The following PKHD1 variants were observed in gnomAD, a reference collection of about 807,000 sequenced individuals.
PKHD1 encodes fibrocystin.
Under a neutral mutation model 412.0 loss-of-function variants are expected in PKHD1, and 291 were observed. That is an observed-to-expected ratio of 0.71 (90% CI 0.64 to 0.78). The LOEUF (loss-of-function observed/expected upper bound fraction) is 0.78. PKHD1 is among the 30% of genes least tolerant of loss of function. The pLI is 0.00. For synonymous variants in PKHD1, 1,777 were observed against 1,821.5 expected (o/e 0.98, Z 0.62); for missense variants, 4,825 against 4,950.7 (o/e 0.97, Z 0.76).
intron 47 of PKHD1, among the ~76,000 whole-genome samples, chr6:51,869,551 A>C (rs1775640732): frequency 6.6e-6 from 1 of 152,158 alleles, no homozygotes; most frequent in Admixed American, 6.5e-5. Context: ...ATTTAAGCAA[A>C]TGAAAAGAGG....
intron 43 of PKHD1, among the ~76,000 whole-genome samples, chr6:51,893,481 G>A (rs929937773): frequency 6.6e-6 from 1 of 152,206 alleles, no homozygotes; most frequent in African/African-American, 2.4e-5. Context: ...TACAAAAGAA[G>A]CACTTTAACA....
intron 60 of PKHD1, among the ~76,000 whole-genome samples, chr6:51,699,055 A>G (rs1779117379): frequency 6.6e-6 from 1 of 152,200 alleles, no homozygotes; most frequent in Admixed American, 6.6e-5. Context: ...TTGGTTAAAC[A>G]ATTATCCAAA....
intron 48 of PKHD1, among the ~76,000 whole-genome samples, chr6:51,863,074 T>C (rs913723207): frequency 6.6e-6 from 1 of 152,198 alleles, no homozygotes; most frequent in African/African-American, 2.4e-5. Context: ...GCAATGACCC[T>C]GAGGGATAAA....
chr6:51,809,549 AT>A lies in PKHD1; in HGVS notation c.8303-18177del, dbSNP rs1292802957. ...ATTAGAATCAGCTTCTCACGTTCTA[AT>A]TTTTTTTAATCTAAATGCAATTTTA... On this transcript the variant is annotated intron_variant, in intron 52 of 66. Coordinates refer to ENST00000371117, the MANE Select transcript of PKHD1 (RefSeq NM_138694.4). Among the ~76,000 whole-genome samples, 9 of 151,934 alleles carry A rather than the reference AT, an allele frequency of 5.9e-5. No individual in the cohort carries two copies. The East Asian group carries it at 1.7e-3, about 29-fold the overall frequency.
At chr6:51,944,475 T>C (rs543649781) in intron 36 of PKHD1, among the ~76,000 whole-genome samples, 12 of 152,296 alleles carry the variant, frequency 7.9e-5, no homozygotes, top group African/African-American at 2.6e-4. Flanking sequence ...CTTTTGTATT[T>C]CTGACCACCA....
chr6:51,712,326 A>G (rs1310843064), intron 60 of PKHD1, among the ~76,000 whole-genome samples: 3 of 152,164 alleles, frequency 2.0e-5, no homozygotes, highest in Non-Finnish European at 2.9e-5. Context: ...ACAACAATGA[A>G]ATAAAGTGGA....
intron 65 of PKHD1, among the ~76,000 whole-genome samples, chr6:51,631,514 T>A (rs1481885794): frequency 1.3e-5 from 2 of 152,296 alleles, no homozygotes; most frequent in South Asian, 2.1e-4. Context: ...ACTATGCTAC[T>A]TCCTCTCACC....
At position 51,872,012 on chromosome 6, in the gene PKHD1, GAA is replaced by G. The variant is rs61175912; in HGVS notation, c.7351-1375_7351-1374del. Among the ~76,000 whole-genome samples the G allele has an allele frequency of 1.5e-5, 2 of 130,348 alleles. 1 individual carries two copies. The highest frequency in any genetic ancestry group is 3.4e-5 in the Non-Finnish European group (2 of 58,390). The allele number at this position is 130,348 out of a possible 152,430, so 85.5% of individuals were successfully genotyped here. A position where few individuals can be genotyped will look rare whatever the true frequency, so the allele number is the denominator to read the frequency against. On this transcript the variant is annotated intron_variant, in intron 46 of 66. Transcript: ENST00000371117. ...ATAGAAGCCTAAAATATTATTTTTAGAAAAAAAAGGAAATAGGAGAGTAGAAA... is the reference window on the plus strand; with the variant it reads ...ATAGAAGCCTAAAATATTATTTTTAGAAAAAAGGAAATAGGAGAGTAGAAA...
At chr6:51,867,670 C>T (rs911560206) in intron 48 of PKHD1, among the ~76,000 whole-genome samples, 193 bp downstream of exon 48, 4 of 152,090 alleles carry the variant, frequency 2.6e-5, no homozygotes, top group African/African-American at 9.7e-5. Context: ...TGCTAGTTAG[C>T]TGCCATTTGA....
chr6:51,858,333 A>G (rs1337100827), intron 48 of PKHD1, among the ~76,000 whole-genome samples: 3 of 152,214 alleles, frequency 2.0e-5, no homozygotes, highest in African/African-American at 7.2e-5. Flanking sequence ...GATGGAAACC[A>G]TGAGTCCCAT....
chr6:51,818,705 C>A (rs1203657574), intron 52 of PKHD1, among the ~76,000 whole-genome samples: 1 of 152,162 alleles, frequency 6.6e-6, no homozygotes, highest in Admixed American at 6.5e-5. Context: ...GTAGAAGTGG[C>A]CACGTGGCTA....
intron 60 of PKHD1, among the ~76,000 whole-genome samples, chr6:51,667,062 T>A (rs1773940162): frequency 6.7e-6 from 1 of 149,006 alleles, no homozygotes; most frequent in Non-Finnish European, 1.5e-5. Flanking sequence ...ATATACCCAG[T>A]AATGGGATGG....
intron 37 of PKHD1, among the ~76,000 whole-genome samples, chr6:51,917,747 T>C (rs543158667): frequency 1.3e-5 from 2 of 152,196 alleles, no homozygotes; most frequent in Admixed American, 6.5e-5. Context: ...ACAGAAGGTA[T>C]AGGCACCTAG....
intron 60 of PKHD1, among the ~76,000 whole-genome samples, chr6:51,697,932 AAAAC>A (rs1456819910): frequency 1.3e-5 from 2 of 152,242 alleles, no homozygotes; most frequent in African/African-American, 4.8e-5. Context: ...TGTTGGCACT[AAAAC>A]AATGCTTATA....
chr6:51,805,328 G>C, intron 52 of PKHD1, among the ~76,000 whole-genome samples: 1 of 148,294 alleles, frequency 6.7e-6, no homozygotes, highest in East Asian at 2.0e-4. Flanking sequence ...GGTAAGCGTT[G>C]GGTACACATG....
At chr6:51,764,094 T>G in intron 55 of PKHD1, among the ~76,000 whole-genome samples, 1 of 106,108 alleles carries the variant, frequency 9.4e-6, no homozygotes, top group Admixed American at 9.9e-5. Flanking sequence ...ATGCTATCCC[T>G]CCCCCCTCCC....
chr6:52,017,378 G>A, intron 34 of PKHD1, 32 bp downstream of exon 34: 12 of 1,445,624 alleles, frequency 8.3e-6, no homozygotes, highest in Non-Finnish European at 1.2e-5. Flanking sequence ...AGCATTTGTG[G>A]GGAAGTTCAG....
At chr6:51,643,609 T>C (rs1769673022) in intron 63 of PKHD1, among the ~76,000 whole-genome samples, 2 of 152,126 alleles carry the variant, frequency 1.3e-5, no homozygotes, top group South Asian at 4.1e-4. Flanking sequence ...ACCTCAAAGT[T>C]TGGTAGAAAA....
intron 60 of PKHD1, among the ~76,000 whole-genome samples, chr6:51,699,165 TA>T (rs1779130966): frequency 6.6e-6 from 1 of 152,206 alleles, no homozygotes; most frequent in African/African-American, 2.4e-5. Flanking sequence ...CAGATTCATA[TA>T]ACTACTACCA....
Sources: allele counts gnomAD v4.1 joint callset (sites outside exome capture counted in the v4.1 genomes callset), GRCh38; gene constraint gnomAD v4.1.1; transcripts MANE v1.5; gene names NCBI Gene and HGNC (gene_info 2026-07-23, HGNC 2026-07-21).